The following PTPRU variants were observed in gnomAD, a reference collection of about 807,000 sequenced individuals.
PTPRU encodes the protein receptor-type tyrosine-protein phosphatase U.
Under a neutral mutation model 166.3 loss-of-function variants are expected in PTPRU, and 69 were observed. The observed-to-expected ratio is 0.41, with a 90% confidence interval of 0.34 to 0.51. The LOEUF (loss-of-function observed/expected upper bound fraction) is 0.51. PTPRU is among the 20% of genes least tolerant of loss of function. PTPRU has a pLI of 0.09. For synonymous variants in PTPRU, 793 were observed against 814.0 expected (o/e 0.97, Z 0.44); for missense variants, 1,657 against 2,013.7 (o/e 0.82, Z 3.39).
intron 7 of PTPRU, among the ~76,000 whole-genome samples, chr1:29,266,324 T>C (rs1023041451): frequency 2.0e-5 from 3 of 152,160 alleles, no homozygotes; most frequent in African/African-American, 7.2e-5. Flanking sequence ...AAAAGTGTTA[T>C]AGTTTTACAT....
chr1:29,304,947 A>G (rs988532155), intron 17 of PTPRU, 98 bp downstream of exon 17: 6 of 1,173,668 alleles, frequency 5.1e-6, no homozygotes, highest in Admixed American at 4.6e-5. Context: ...CTCAGAGATG[A>G]TAGTAGCATT....
At chr1:29,304,189 C>T (rs977590109) in intron 16 of PTPRU, 144 bp downstream of exon 16, 106 of 952,570 alleles carry the variant, frequency 1.1e-4, no homozygotes, top group Middle Eastern at 3.4e-4. Context: ...TTTTTGACCT[C>T]GACTCTGACC....
intron 26 of PTPRU, among the ~76,000 whole-genome samples, chr1:29,322,426 A>G (rs1282046242): frequency 2.0e-5 from 3 of 152,218 alleles, no homozygotes; most frequent in Non-Finnish European, 2.9e-5. Context: ...GGGATCATGT[A>G]TCGGCGATGG....
At chr1:29,272,620 C>T (rs189661501) in intron 7 of PTPRU, among the ~76,000 whole-genome samples, 4 of 152,150 alleles carry the variant, frequency 2.6e-5, no homozygotes, top group Admixed American at 2.6e-4. Context: ...AAAAATGCCA[C>T]TAGGGGCTGG....
chr1:29,259,675 G>C (rs1446642968), intron 5 of PTPRU, 111 bp downstream of exon 5: 1 of 1,260,912 alleles, frequency 7.9e-7, no homozygotes, highest in East Asian at 2.5e-5. Context: ...CTCCAGCACT[G>C]CGCACAGCGT....
intron 14 of PTPRU, among the ~76,000 whole-genome samples, chr1:29,289,263 T>C (rs1686506719): frequency 6.6e-6 from 1 of 152,152 alleles, no homozygotes; most frequent in Admixed American, 6.5e-5. Context: ...TGAGTGTGTG[T>C]CAAGTGTGTC....
At chr1:29,299,565 T>C (rs1336837422) in intron 15 of PTPRU, among the ~76,000 whole-genome samples, 1 of 152,244 alleles carries the variant, frequency 6.6e-6, no homozygotes, top group Admixed American at 6.5e-5. Flanking sequence ...GATGTGGCTC[T>C]GGCTTTCCAG....
Position 29,271,280 on chromosome 1 carries a change from T to C in PTPRU, c.1145-4168T>C, listed in dbSNP as rs1685547761. ...TGTGTTGACAGTTGAAGAGAGTGTG[T>C]CTGGGTGCCAGATGGTTTTTAGAAA... On this transcript the variant is annotated intron_variant, in intron 7 of 29. Transcript: ENST00000373779. The surrounding 1 kb of genome is among the most constrained non-coding windows in gnomAD (Gnocchi z 4.4). Among the ~76,000 whole-genome samples, 1 of 152,212 alleles carries C rather than the reference T, an allele frequency of 6.6e-6. No homozygotes were observed. The highest frequency in any genetic ancestry group is 1.5e-5 in the Non-Finnish European group (1 of 68,044).
rs920523484 is a variant in PTPRU at position 29,271,764 on chromosome 1, C to T, written c.1145-3684C>T. ...TGTCCTGTTTGCCGTGGTCTTTACC[C>T]AGCATACGTCCCCCGTTTACATGGA... is the stretch of plus-strand genomic sequence containing the variant. On this transcript the variant is annotated intron_variant, in intron 7 of 29. Coordinates refer to ENST00000373779, the MANE Select transcript of PTPRU (RefSeq NM_133178.4). This position sits in a 1 kb window ranked among gnomAD's most constrained non-coding sequence, Gnocchi z 4.4. Among the ~76,000 whole-genome samples, 32 of 152,180 alleles carry T rather than the reference C, an allele frequency of 2.1e-4. No individual in the cohort carries two copies. The highest frequency in any genetic ancestry group is 6.5e-5 in the Admixed American group (1 of 15,270).
chr1:29,249,569 A>C (rs1684457853), intron 1 of PTPRU, among the ~76,000 whole-genome samples: 1 of 152,238 alleles, frequency 6.6e-6, no homozygotes, highest in Non-Finnish European at 1.5e-5. Flanking sequence ...CCCAGGCTGC[A>C]GAAAGGGAGT....
At position 29,285,530 on chromosome 1, in the gene PTPRU, T is replaced by C. The variant is rs533154592; in HGVS notation, c.2318+661T>C. On this transcript the variant is annotated intron_variant, in intron 14 of 29. Coordinates refer to ENST00000373779, the MANE Select transcript of PTPRU (RefSeq NM_133178.4). ...GAGGGCAGCATATATCCCAGGACAT[T>C]GTGGAATCCAGAACCTAGAATCTTG... Among the ~76,000 whole-genome samples, 398 of 152,262 alleles carry C rather than the reference T, an allele frequency of 2.6e-3. 1 individual carries two copies. The highest frequency in any genetic ancestry group is 0.01 in the Middle Eastern group (3 of 294).
At chr1:29,283,784 G>A in intron 12 of PTPRU, 156 bp from the exon 13 acceptor site, 1 of 823,026 alleles carries the variant, frequency 1.2e-6, no homozygotes, top group East Asian at 2.5e-5. Flanking sequence ...GCTCTCAAGG[G>A]TCCCCCCAGG....
At position 29,315,578 on chromosome 1, in the gene PTPRU, G is replaced by A; in HGVS notation, c.3363+71G>A. 6.3e-7 allele frequency: 1 copy of A among 1,595,954 alleles called. No homozygotes were observed. Among genetic ancestry groups the A allele is most frequent in the Non-Finnish European group, 8.6e-7 (1 of 1,167,666 alleles). ...GGAGTTTCTCGTGAAGGATCCTGGA[G>A]CCGGCAGAGCATGCCCAAAGGGTGT... On this transcript the variant is annotated intron_variant, in intron 23 of 29. Transcript: ENST00000373779. This position sits in a 1 kb window ranked among gnomAD's most constrained non-coding sequence, Gnocchi z 4.5.
chr1:29,323,803 T>A lies in PTPRU; in HGVS notation c.4112+15T>A. The A allele has an allele frequency of 6.2e-7, 1 of 1,612,646 alleles. No individual in the cohort carries two copies. Among genetic ancestry groups the A allele is most frequent in the Non-Finnish European group, 8.5e-7 (1 of 1,179,092 alleles). On this transcript the variant is annotated intron_variant, in intron 28 of 29. Coordinates refer to ENST00000373779, the MANE Select transcript of PTPRU (RefSeq NM_133178.4). ...GTGCACTGCCTGTGAGTACCTGCCC[T>A]GTGGGAGGGCGGGTGGAGGGGTTGG...
chr1:29,323,425 G>C lies in PTPRU; in HGVS notation c.3883G>C (p.Val1295Leu), dbSNP rs1688254239. 6.2e-7 allele frequency: 1 copy of C among 1,610,594 alleles called. No individual in the cohort carries two copies. Among genetic ancestry groups the C allele is most frequent in the African/African-American group, 1.3e-5 (1 of 74,878 alleles). Residue 1295 changes from valine (V) to leucine (L), a missense_variant, in exon 27 of 30, where the codon GTG becomes CTG. By Grantham distance (32) the Val-to-Leu change is conservative. Transcript: ENST00000373779. The part of the protein sequence containing the change: ...PGRQQYGLME[V>L]EFMSGTADED... The stretch of plus-strand genomic sequence containing the variant: ...CCGGCAGCAATATGGCCTCATGGAG[G>C]TGGAGTTTATGTCGGGCACAGCTGA...
rs756829532 is a variant in PTPRU, at chr1:29,315,411, T to A, written c.3267T>A (p.Asp1089Glu). 3.3e-5 allele frequency: 54 copies of A among 1,614,102 alleles called. No homozygotes were observed. The highest frequency in any genetic ancestry group is 4.5e-5 in the Non-Finnish European group (53 of 1,180,048). ...TGRTGCYIVLDVMLDMAECEG... is the reference protein window; with the variant it reads ...TGRTGCYIVLEVMLDMAECEG... ...GCACAGGTTGCTATATCGTCCTGGA[T>A]GTGATGCTGGACATGGCAGAGTGTG... Residue 1089 changes from aspartate (D) to glutamate (E), a missense_variant, in exon 23 of 30, where the codon GAT (aspartate) becomes GAA (glutamate). By Grantham distance (45) the Asp-to-Glu change is conservative. This residue lies in a region of PTPRU where 1,190 missense variants were observed against 1,477.4 expected (regional missense o/e 0.81). Coordinates refer to ENST00000373779, the MANE Select transcript of PTPRU (RefSeq NM_133178.4). This position sits in a 1 kb window ranked among gnomAD's most constrained non-coding sequence, Gnocchi z 4.5.
At chr1:29,267,284 T>C (rs1044411408) in intron 7 of PTPRU, among the ~76,000 whole-genome samples, 1 of 152,178 alleles carries the variant, frequency 6.6e-6, no homozygotes, top group Non-Finnish European at 1.5e-5. Flanking sequence ...CCTGTATATA[T>C]GAAGGGCCAA....
Position 29,269,246 on chromosome 1 carries a change from A to ATTTTTTTTT in PTPRU, c.1145-6181_1145-6173dup. On this transcript the variant is annotated intron_variant, in intron 7 of 29. Transcript: ENST00000373779. ...TATATATATATATATATATATATATATTTTTTTTTTTTTTTTTTTTTTTTT... is the reference window on the plus strand; with the variant it reads ...TATATATATATATATATATATATATATTTTTTTTTTTTTTTTTTTTTTTTTTTTTTTTTT... Among the ~76,000 whole-genome samples, 91 of 20,580 alleles carry ATTTTTTTTT rather than the reference A, an allele frequency of 4.4e-3. 15 individuals carry two copies. Among genetic ancestry groups the ATTTTTTTTT allele is most frequent in the Non-Finnish European group, 8.0e-3 (80 of 9,976 alleles). 13.5% of individuals were successfully genotyped at this position (20,580 alleles called of 152,430 possible).
Position 29,317,795 on chromosome 1 carries a change from C to A in PTPRU, c.3561C>A (p.Ile1187=), listed in dbSNP as rs777689742. Reference sequence around the variant, plus strand: ...CGCTGGACGTGGAGGAGTGCAGCATCGCCCTGTTGCCCCGGAACCGCGACA... The same window carrying A: ...CGCTGGACGTGGAGGAGTGCAGCATAGCCCTGTTGCCCCGGAACCGCGACA... The part of the protein sequence containing the change: ...TPPLDVEECS[I]ALLPRNRDKN... Residue 1187 remains isoleucine, a synonymous_variant, in exon 25 of 30, where the codon ATC becomes ATA. Transcript: ENST00000373779. The surrounding 1 kb of genome is among the most constrained non-coding windows in gnomAD (Gnocchi z 5.6). 3 of 1,612,840 alleles carry A rather than the reference C, an allele frequency of 1.9e-6. No homozygotes were observed. The highest frequency in any genetic ancestry group is 2.5e-6 in the Non-Finnish European group (3 of 1,180,022).
Sources: allele counts gnomAD v4.1 joint callset (sites outside exome capture counted in the v4.1 genomes callset), GRCh38; gene constraint gnomAD v4.1.1; regional missense constraint gnomAD v4.1.1; non-coding constraint Gnocchi (gnomAD v3.1); transcripts MANE v1.5; gene names NCBI Gene and HGNC (gene_info 2026-07-23, HGNC 2026-07-21).